PABPC1: variants seen among roughly 807,000 people sequenced by gnomAD.
PABPC1 encodes poly(A) binding protein cytoplasmic 1.
PABPC1 carries 4 observed loss-of-function variants against 74.0 expected under a neutral mutation model. The observed-to-expected ratio is 0.05, with a 90% CI of 0.03 to 0.12. PABPC1 has a LOEUF of 0.12. PABPC1 is among the 10% of genes least tolerant of loss of function. PABPC1 has a pLI of 1.00. For missense variants in PABPC1, 271 were observed against 821.1 expected (o/e 0.33, Z 8.19); for synonymous variants, 227 against 264.1 (o/e 0.86, Z 1.36).
Position 100,712,833 on chromosome 8 carries a change from C to T in PABPC1, c.739-44G>A, listed in dbSNP as rs1810565841. ...GAAAAAAAAAAAATCACAAAACTTT[C>T]AACTTACAGTTCATTTCCTTAACAG... On this transcript the variant is annotated intron_variant, in intron 5 of 14. Transcript: ENST00000318607. The T allele has an allele frequency of 2.6e-6, 4 of 1,523,072 alleles. No homozygotes were observed. The South Asian group carries it at 5.2e-5, about 20-fold the overall frequency. 94.3% of individuals were successfully genotyped at this position (1,523,072 alleles called of 1,614,324 possible).
intron 1 of PABPC1, among the ~76,000 whole-genome samples, chr8:100,719,706 A>G (rs183763969): frequency 1.1e-3 from 164 of 152,304 alleles, no homozygotes; most frequent in South Asian, 1.7e-3. Flanking sequence ...GAAATGTAAA[A>G]ATTGTTTTTT....
chr8:100,708,681 C>A (rs181374721), intron 9 of PABPC1, among the ~76,000 whole-genome samples: 192 of 151,992 alleles, frequency 1.3e-3, no homozygotes, highest in African/African-American at 4.4e-3. Context: ...CTCAAGACAA[C>A]CCTGGCCAAC....
rs1317033262 is a variant in PABPC1 at position 100,709,342 on chromosome 8, CTCAA to C, written c.1245+113_1245+116del. Reference sequence around the variant, plus strand: ...CTTCACACTCAAGCATTTTTTCCTACTCAATCATAATTCCCCTTTCTTAATGTTT... The same window carrying C: ...CTTCACACTCAAGCATTTTTTCCTACTCATAATTCCCCTTTCTTAATGTTT... On this transcript the variant is annotated intron_variant, in intron 8 of 14. Transcript: ENST00000318607. The C allele has an allele frequency of 2.6e-5, 38 of 1,468,118 alleles. No homozygotes were observed. The Admixed American group carries it at 6.5e-4, about 25-fold the overall frequency. 90.9% of individuals were successfully genotyped at this position (1,468,118 alleles called of 1,614,324 possible). A position where few individuals can be genotyped will look rare whatever the true frequency, so the allele number is the denominator to read the frequency against.
Position 100,721,155 on chromosome 8 carries a change from G to A in PABPC1, c.193+236C>T, listed in dbSNP as rs1194839271. On this transcript the variant is annotated intron_variant, in intron 1 of 14. Coordinates refer to ENST00000318607, the MANE Select transcript of PABPC1 (RefSeq NM_002568.4). This position sits in a 1 kb window ranked among gnomAD's most constrained non-coding sequence, Gnocchi z 7.4. Reference sequence around the variant, plus strand: ...ACCCTAAAGTTTGAGAGCGTCTGAGGCCGAGAAAATGGTCGCAAAGGAGGA... The same window carrying A: ...ACCCTAAAGTTTGAGAGCGTCTGAGACCGAGAAAATGGTCGCAAAGGAGGA... Among the ~76,000 whole-genome samples the A allele has an allele frequency of 3.3e-5, 5 of 152,246 alleles. No individual in the cohort carries two copies. The highest frequency in any genetic ancestry group is 2.6e-4 in the Admixed American group (4 of 15,306).
chr8:100,715,549 T>C lies in PABPC1; in HGVS notation c.556A>G (p.Arg186Gly). 6.2e-7 allele frequency: 1 copy of C among 1,613,182 alleles called. No individual in the cohort carries two copies. ...TAAACATTGGTGAATTCTTTTGCCC[T>C]AGCTCCAAGTTCAGCTTCTCGTTCT... ...RKEREAELGARAKEFTNVYIK... is the reference protein window; with the variant it reads ...RKEREAELGAGAKEFTNVYIK... Residue 186 changes from arginine to glycine, a missense_variant, in exon 4 of 15, where the codon AGG (arginine) becomes GGG (glycine). By Grantham distance (125) the Arg-to-Gly change is moderately radical (BLOSUM62 -2). Around this residue, in one of 7 missense-constraint regions of PABPC1, gnomAD observed 78 missense variants for 202.8 expected, o/e 0.38. Transcript: ENST00000318607.
intron 8 of PABPC1, 25 bp downstream of exon 8, chr8:100,709,434 G>C: frequency 6.2e-7 from 1 of 1,613,628 alleles, no homozygotes; most frequent in East Asian, 2.2e-5. Flanking sequence ...AACCTTCATG[G>C]TTCTGGTTGC....
intron 7 of PABPC1, 55 bp from the exon 8 acceptor site, chr8:100,709,786 A>G: frequency 6.7e-7 from 1 of 1,496,190 alleles, no homozygotes; most frequent in Non-Finnish European, 9.0e-7. Flanking sequence ...GGAGCAAAAA[A>G]AGAGCGTTAC....
chr8:100,717,374 T>C (rs1452168841), intron 3 of PABPC1, among the ~76,000 whole-genome samples: 2 of 152,252 alleles, frequency 1.3e-5, no homozygotes, highest in African/African-American at 4.8e-5. Context: ...TTTCCTCACC[T>C]ATAAAATGGG....
At position 100,704,385 on chromosome 8, in the gene PABPC1, A is replaced by C. The variant is rs776591809; in HGVS notation, c.1824T>G (p.Asp608Glu). ...ESPESLRSKV[D>E]EAVAVLQAHQ... ...GGGCTTGTAGTACAGCTACAGCTTCATCAACCTAAAAAAGGGGAAAACAGA... is the reference window on the plus strand; with the variant it reads ...GGGCTTGTAGTACAGCTACAGCTTCCTCAACCTAAAAAAGGGGAAAACAGA... The change falls in exon 14 of 15, where the codon GAT becomes GAG. Residue 608 changes from aspartate (D) to glutamate (E), a missense_variant. This residue lies in a region of PABPC1 where 23 missense variants were observed against 48.1 expected (regional missense o/e 0.48). Coordinates refer to ENST00000318607, the MANE Select transcript of PABPC1 (RefSeq NM_002568.4). 4 of 1,613,552 alleles carry C rather than the reference A, an allele frequency of 2.5e-6. No individual in the cohort carries two copies. The Admixed American group carries it at 5.0e-5, about 20-fold the overall frequency.
At position 100,721,038 on chromosome 8, in the gene PABPC1, G is replaced by A. The variant is rs1413480452; in HGVS notation, c.193+353C>T. On this transcript the variant is annotated intron_variant, in intron 1 of 14. Coordinates refer to ENST00000318607, the MANE Select transcript of PABPC1 (RefSeq NM_002568.4). This position sits in a 1 kb window ranked among gnomAD's most constrained non-coding sequence, Gnocchi z 7.4. ...GCGCCTCCACCTCTTACCCACGGAA[G>A]GAGCTCAGCGTTCAACGCCCCAGAA... Among the ~76,000 whole-genome samples the A allele has an allele frequency of 6.9e-6, 1 of 144,316 alleles. No homozygotes were observed. The allele number at this position is 144,316 out of a possible 152,430, so 94.7% of individuals were successfully genotyped here.
At position 100,721,385 on chromosome 8, in the gene PABPC1, G is replaced by T; in HGVS notation, c.193+6C>A. ...CGCCCGGCCGACCGCGGAGCCCGGCGCTCACCGTCCGCCGGCTGCTGGAAG... is the reference window on the plus strand; with the variant it reads ...CGCCCGGCCGACCGCGGAGCCCGGCTCTCACCGTCCGCCGGCTGCTGGAAG... On this transcript the variant is annotated splice_donor_region_variant and intron_variant, in intron 1 of 14. Coordinates refer to ENST00000318607, the MANE Select transcript of PABPC1 (RefSeq NM_002568.4). The surrounding 1 kb of genome is among the most constrained non-coding windows in gnomAD (Gnocchi z 7.4). 6.6e-7 allele frequency: 1 copy of T among 1,513,506 alleles called. No homozygotes were observed. Among genetic ancestry groups the T allele is most frequent in the Non-Finnish European group, 8.9e-7 (1 of 1,126,042 alleles). The allele number at this position is 1,513,506 out of a possible 1,614,324, so 93.8% of individuals were successfully genotyped here.
intron 9 of PABPC1, 53 bp from the exon 10 acceptor site, chr8:100,707,050 A>T: frequency 7.7e-7 from 1 of 1,299,466 alleles, no homozygotes; most frequent in South Asian, 1.2e-5. Flanking sequence ...ACTGAGTGAA[A>T]AGTGTTTATG....
chr8:100,704,701 G>A (rs944898633), intron 13 of PABPC1, among the ~76,000 whole-genome samples: 11 of 152,180 alleles, frequency 7.2e-5, no homozygotes, highest in Non-Finnish European at 8.8e-5. Context: ...TTGAAGCCAG[G>A]CTCTGCCACT....
Position 100,721,996 on chromosome 8 carries a change from T to C in PABPC1, c.-413A>G. 6.2e-6 allele frequency: 1 copy of C among 161,514 alleles called. No individual in the cohort carries two copies. The highest frequency in any genetic ancestry group is 1.8e-4 in the East Asian group (1 of 5,708). 10.0% of individuals were successfully genotyped at this position (161,514 alleles called of 1,614,324 possible). ...TTTGGGGTTTTTTAAAAGATTTTTT[T>C]AGATTTTTTTTGGATTTTTTAATAA... On this transcript the variant is annotated 5_prime_UTR_variant, in exon 1 of 15. Coordinates refer to ENST00000318607, the MANE Select transcript of PABPC1 (RefSeq NM_002568.4). The surrounding 1 kb of genome is among the most constrained non-coding windows in gnomAD (Gnocchi z 7.4).
chr8:100,711,931 A>G (rs1360323759), intron 7 of PABPC1, among the ~76,000 whole-genome samples: 2 of 152,268 alleles, frequency 1.3e-5, no homozygotes, highest in African/African-American at 2.4e-5. Context: ...TTGTACTAGA[A>G]TACTACTGCT....
At chr8:100,715,675 GTTTT>G (rs1810651150) in intron 3 of PABPC1, 74 bp from the exon 4 acceptor site, 1 of 1,063,066 alleles carries the variant, frequency 9.4e-7, no homozygotes, top group East Asian at 2.6e-5. Flanking sequence ...CTGATGGTTG[GTTTT>G]GTTACTGTTA....
rs13268309 is a variant in PABPC1 at position 100,703,148 on chromosome 8, T to C, written c.*213A>G. ...TTTTATATTTTACTATTTTTTTGTGTTTTTTTGTTTTTAAATCAATAAGTA... is the reference window on the plus strand; with the variant it reads ...TTTTATATTTTACTATTTTTTTGTGCTTTTTTGTTTTTAAATCAATAAGTA... On this transcript the variant is annotated 3_prime_UTR_variant, in exon 15 of 15. Transcript: ENST00000318607. 6 of 25,810 alleles carry C rather than the reference T, an allele frequency of 2.3e-4. No homozygotes were observed. Among genetic ancestry groups the C allele is most frequent in the Non-Finnish European group, 6.1e-4 (6 of 9,884 alleles). The allele number at this position is 25,810 out of a possible 1,614,324, so 1.6% of individuals were successfully genotyped here.
At position 100,709,522 on chromosome 8, in the gene PABPC1, G is replaced by A. The variant is rs763299644; in HGVS notation, c.1182C>T (p.Asn394=). ...CTGGCTGGTAGGGGTTGATTACAGG[G>A]TTGGGAACAGCTCGTACACTTGCCA... ...QRMASVRAVP[N]PVINPYQPAP... The change falls in exon 8 of 15, where the codon AAC becomes AAT. Residue 394 remains asparagine, a synonymous_variant. Transcript: ENST00000318607. 1.9e-6 allele frequency: 3 copies of A among 1,614,176 alleles called. No individual in the cohort carries two copies. The highest frequency in any genetic ancestry group is 2.2e-5 in the East Asian group (1 of 44,888).
rs1053408944 is a variant in PABPC1, at chr8:100,707,448, C to T, written c.1337-451G>A. Among the ~76,000 whole-genome samples the T allele has an allele frequency of 7.2e-5, 11 of 152,126 alleles. 1 individual carries two copies. Among genetic ancestry groups the T allele is most frequent in the African/African-American group, 2.4e-4 (10 of 41,420 alleles). On this transcript the variant is annotated intron_variant, in intron 9 of 14. Transcript: ENST00000318607. ...TCATCTCCAATGATAGGTAAGGTCA[C>T]GTGGGTTACGTGTCCACTGGAGAGG...
Sources: gnomAD v4.1 joint callset for allele counts (sites outside exome capture counted in the v4.1 genomes callset) on GRCh38, gnomAD v4.1.1 for gene constraint, gnomAD v4.1.1 regional missense constraint, Gnocchi (gnomAD v3.1) non-coding constraint, MANE v1.5 for transcripts, NCBI Gene and HGNC (gene_info 2026-07-23, HGNC 2026-07-21) for gene names.